The following SHC2 variants were observed in gnomAD, a reference collection of about 807,000 sequenced individuals.
The protein encoded by SHC2 is SHC-transforming protein 2.
Under a neutral mutation model 60.6 loss-of-function variants are expected in SHC2, and 62 were observed. The ratio of observed to expected loss-of-function variants is 1.02; its 90% confidence interval spans 0.83 to 1.26. The LOEUF is 1.26. Ranked by LOEUF, SHC2 falls within the 50% of genes most tolerant of loss-of-function variation. The probability of loss-of-function intolerance (pLI) is 0.00; values close to 1 mark genes in which losing one functional copy is unlikely to be tolerated. For synonymous variants in SHC2, 375 were observed against 372.4 expected (o/e 1.01, Z -0.08); for missense variants, 873 against 822.2 (o/e 1.06, Z -0.76).
chr19:451,151 G>A (rs1471487214), intron 1 of SHC2, among the ~76,000 whole-genome samples: 1 of 148,380 alleles, frequency 6.7e-6, no homozygotes, highest in Non-Finnish European at 1.5e-5. Context: ...CCACGCCATG[G>A]CTGTGCTGTA....
Position 418,982 on chromosome 19 carries a change from G to T in SHC2, c.1695C>A (p.Ile565=), listed in dbSNP as rs539586321. Residue 565 remains isoleucine, a synonymous_variant, in exon 12 of 13, where the codon ATC becomes ATA. Transcript: ENST00000264554. The part of the protein sequence containing the change: ...IDHHLQNGQP[I]VAAESELHLR... ...GGTGCAGCTCACTCTCGGCGGCCAC[G>T]ATGGGCTGCCCGTTCTGCAGGTGGT... 3.2e-6 allele frequency: 5 copies of T among 1,585,694 alleles called. No homozygotes were observed. The Admixed American group carries it at 8.9e-5, about 28-fold the overall frequency.
chr19:421,306 G>A (rs1239505228), intron 11 of SHC2, among the ~76,000 whole-genome samples: 5 of 150,508 alleles, frequency 3.3e-5, no homozygotes, highest in East Asian at 2.0e-4. Context: ...AAGCTGAGGC[G>A]GGAGAATCGC....
At chr19:439,676 A>G (rs1974813562) in intron 2 of SHC2, among the ~76,000 whole-genome samples, 1 of 152,094 alleles carries the variant, frequency 6.6e-6, no homozygotes, top group Admixed American at 6.5e-5. Context: ...TCAAAAGGTT[A>G]AAAATTGGCC....
At chr19:442,783 A>G (rs1301934918) in intron 1 of SHC2, among the ~76,000 whole-genome samples, 4 of 80,110 alleles carry the variant, frequency 5.0e-5, no homozygotes, top group East Asian at 4.2e-4. Flanking sequence ...GGATGGATGG[A>G]TGGGTGGATG....
chr19:425,155 G>T lies in SHC2; in HGVS notation c.1251C>A (p.Thr417=). 1 of 1,381,670 alleles carries T rather than the reference G, an allele frequency of 7.2e-7. No homozygotes were observed. The highest frequency in any genetic ancestry group is 9.4e-7 in the Non-Finnish European group (1 of 1,059,578). The allele number at this position is 1,381,670 out of a possible 1,614,324, so 85.6% of individuals were successfully genotyped here. A position where few individuals can be genotyped will look rare whatever the true frequency, so the allele number is the denominator to read the frequency against. The change falls in exon 10 of 13, where the codon ACC becomes ACA. Residue 417 remains threonine, a synonymous_variant. Transcript: ENST00000264554. This position sits in a 1 kb window ranked among gnomAD's most constrained non-coding sequence, Gnocchi z 4.1. Reference sequence around the variant, plus strand: ...CCGGCTCGGGGGCGTCCAGACCCTGGGTGTTGACATACAGGTGCTCCTCGT... The same window carrying T: ...CCGGCTCGGGGGCGTCCAGACCCTGTGTGTTGACATACAGGTGCTCCTCGT... The part of the protein sequence containing the change: ...PDHEEHLYVN[T]QGLDAPEPED...
rs1974774441 is a variant in SHC2, at chr19:438,602, T to G, written c.720+116A>C. 3 of 1,243,822 alleles carry G rather than the reference T, an allele frequency of 2.4e-6. No individual in the cohort carries two copies. Among genetic ancestry groups the G allele is most frequent in the Admixed American group, 2.3e-5 (1 of 42,672 alleles). 77.0% of individuals were successfully genotyped at this position (1,243,822 alleles called of 1,614,324 possible). A position where few individuals can be genotyped will look rare whatever the true frequency, so the allele number is the denominator to read the frequency against. On this transcript the variant is annotated intron_variant, in intron 4 of 12. Coordinates refer to ENST00000264554, the MANE Select transcript of SHC2 (RefSeq NM_012435.3). This position sits in a 1 kb window ranked among gnomAD's most constrained non-coding sequence, Gnocchi z 5.0. ...TCCTGCTCAGCGGGGCCTCGGCTCG[T>G]CTTTCTGGATAAACGCCACCTGCTG... is the stretch of plus-strand genomic sequence containing the variant.
chr19:460,825 C>G lies in SHC2; in HGVS notation c.172G>C (p.Gly58Arg), dbSNP rs1484479548. 6.1e-6 allele frequency: 6 copies of G among 981,744 alleles called. No homozygotes were observed. The highest frequency in any genetic ancestry group is 6.0e-6 in the Non-Finnish European group (5 of 829,304). 60.8% of individuals were successfully genotyped at this position (981,744 alleles called of 1,614,324 possible). A position where few individuals can be genotyped will look rare whatever the true frequency, so the allele number is the denominator to read the frequency against. Reference sequence around the variant, plus strand: ...GGCTCGGGTTGGGGGTCCGCGCCCCCCGAGGCCCCAGCCGCCCGCGCCGCC... The same window carrying G: ...GGCTCGGGTTGGGGGTCCGCGCCCCGCGAGGCCCCAGCCGCCCGCGCCGCC... ...PAAARAAGASGGADPQPEPAG... is the reference protein window; with the variant it reads ...PAAARAAGASRGADPQPEPAG... The change falls in exon 1 of 13, where the codon GGG becomes CGG. Residue 58 changes from glycine to arginine, a missense_variant. By Grantham distance (125) the Gly-to-Arg change is moderately radical. Transcript: ENST00000264554.
chr19:450,771 ATAT>A (rs1975163511), intron 1 of SHC2, among the ~76,000 whole-genome samples: 1 of 150,524 alleles, frequency 6.6e-6, no homozygotes, highest in Admixed American at 6.6e-5. Context: ...TGGCCGCATC[ATAT>A]TGTCATATTT....
chr19:437,188 A>C (rs752869469), intron 4 of SHC2, among the ~76,000 whole-genome samples: 21 of 151,768 alleles, frequency 1.4e-4, no homozygotes, highest in Non-Finnish European at 2.9e-4. Context: ...GCTCGTTTGC[A>C]TGCTCATCTA....
intron 1 of SHC2, among the ~76,000 whole-genome samples, chr19:458,581 G>A (rs1335544090): frequency 7.7e-6 from 1 of 129,232 alleles, no homozygotes; most frequent in African/African-American, 3.0e-5. Context: ...AGGCGGAAGC[G>A]GGTTCCGGGG....
rs1036285111 is a variant in SHC2 at position 448,658 on chromosome 19, G to A, written c.469-7726C>T. Among the ~76,000 whole-genome samples the A allele has an allele frequency of 3.9e-5, 6 of 152,126 alleles. No individual in the cohort carries two copies. The South Asian group carries it at 1.0e-3, about 26-fold the overall frequency. On this transcript the variant is annotated intron_variant, in intron 1 of 12. Transcript: ENST00000264554. ...CCAGTATCAGGACAAACCAGCACCC[G>A]GGGGCCTCCTGACACGAAGGGCTGG...
At chr19:436,768 G>T in intron 4 of SHC2, 85 bp from the exon 5 acceptor site, 1 of 1,301,468 alleles carries the variant, frequency 7.7e-7, no homozygotes, top group Non-Finnish European at 1.1e-6. Flanking sequence ...CCACAGCGAA[G>T]AGTGGGGCAG....
At chr19:456,097 A>C (rs2145757044) in intron 1 of SHC2, among the ~76,000 whole-genome samples, 1 of 152,228 alleles carries the variant, frequency 6.6e-6, no homozygotes, top group Admixed American at 6.5e-5. Context: ...AACCTCAGAC[A>C]CAGCTCGGCC....
At chr19:449,802 G>A (rs1459890280) in intron 1 of SHC2, among the ~76,000 whole-genome samples, 2 of 152,146 alleles carry the variant, frequency 1.3e-5, no homozygotes, top group East Asian at 3.9e-4. Flanking sequence ...CAGAATAAAT[G>A]AGGCAAGATG....
intron 1 of SHC2, among the ~76,000 whole-genome samples, chr19:458,046 C>T (rs1425762408): frequency 1.5e-5 from 2 of 131,718 alleles, no homozygotes; most frequent in African/African-American, 2.7e-5. Context: ...TCCGGGGAGG[C>T]GGAAGCGGGT....
At chr19:452,240 G>T (rs1457279119) in intron 1 of SHC2, among the ~76,000 whole-genome samples, 1 of 136,346 alleles carries the variant, frequency 7.3e-6, no homozygotes, top group African/African-American at 2.9e-5. Context: ...CTGACTTGGG[G>T]GGAGTTCCTG....
chr19:419,223 C>T, intron 11 of SHC2, 167 bp from the exon 12 acceptor site: 1 of 758,030 alleles, frequency 1.3e-6, no homozygotes, highest in South Asian at 2.4e-5. Context: ...CCTCAGAATT[C>T]CAGAACCACC....
chr19:449,808 A>G (rs1344307928), intron 1 of SHC2, among the ~76,000 whole-genome samples: 1 of 152,200 alleles, frequency 6.6e-6, no homozygotes, highest in Admixed American at 6.5e-5. Context: ...AAATGAGGCA[A>G]GATGTTAATA....
In SHC2 at chr19:457,435, TC is replaced by T. The variant is rs577647213; in HGVS notation, c.468+3093del. On this transcript the variant is annotated intron_variant, in intron 1 of 12. Transcript: ENST00000264554. ...GGTTTCCATGGCTCAGGTCTCAGCT[TC>T]AAGGTCGCCTCCTGGGAGGGGCAGC... 5.5e-4 allele frequency among the ~76,000 whole-genome samples: 68 copies of T among 123,778 alleles called. No homozygotes were observed. In the Middle Eastern group the frequency reaches 0.013, roughly 24 times the overall value. The allele number at this position is 123,778 out of a possible 152,430, so 81.2% of individuals were successfully genotyped here.
Sources: allele counts gnomAD v4.1 joint callset (sites outside exome capture counted in the v4.1 genomes callset), GRCh38; gene constraint gnomAD v4.1.1; non-coding constraint Gnocchi (gnomAD v3.1); transcripts MANE v1.5; gene names NCBI Gene and HGNC (gene_info 2026-07-23, HGNC 2026-07-21).